Variants in LTBP2 observed in about 807,000 individuals in gnomAD.
LTBP2 encodes latent transforming growth factor beta binding protein 2.
In LTBP2, 103 loss-of-function variants were observed where a neutral mutation model predicts 210.6. The ratio of observed to expected loss-of-function variants is 0.49; its 90% CI spans 0.42 to 0.58. The LOEUF (loss-of-function observed/expected upper bound fraction) is 0.58, where lower values mean the gene tolerates loss of function less well. LTBP2 is among the 20% of genes least tolerant of loss of function. The probability of loss-of-function intolerance (pLI) is 0.00; values close to 1 mark genes in which losing one functional copy is unlikely to be tolerated. For synonymous variants in LTBP2, 1,007 were observed against 1,015.0 expected, an observed-to-expected ratio of 0.99 and a Z score of 0.15; for missense variants, 2,313 against 2,494.5, an observed-to-expected ratio of 0.93 and a Z score of 1.55.
At chr14:74,531,480 C>A (rs576182461) in intron 10 of LTBP2, among the ~76,000 whole-genome samples, 2 of 152,280 alleles carry the variant, frequency 1.3e-5, no homozygotes, top group East Asian at 1.9e-4. Context: ...TTCTTGAGAG[C>A]GGTCTGACAT....
At chr14:74,547,438 A>C (rs2087591731) in intron 8 of LTBP2, among the ~76,000 whole-genome samples, 1 of 152,174 alleles carries the variant, frequency 6.6e-6, no homozygotes, top group Admixed American at 6.5e-5. Flanking sequence ...GAATCCCAGC[A>C]GTGAAGCGGG....
At chr14:74,554,045 G>T (rs2087697349) in intron 4 of LTBP2, among the ~76,000 whole-genome samples, 2 of 151,644 alleles carry the variant, frequency 1.3e-5, no homozygotes, top group African/African-American at 4.9e-5. Context: ...TACAGAAGAG[G>T]GGGGACAAGT....
chr14:74,551,464 C>T (rs954465995), intron 6 of LTBP2, 114 bp from the exon 7 acceptor site: 6 of 1,017,590 alleles, frequency 5.9e-6, no homozygotes, highest in African/African-American at 1.6e-5. Flanking sequence ...TATGTGTCAC[C>T]CCAAAACTCT....
intron 10 of LTBP2, among the ~76,000 whole-genome samples, chr14:74,531,853 C>A (rs573467086): frequency 6.6e-6 from 1 of 152,356 alleles, no homozygotes; most frequent in South Asian, 2.1e-4. Flanking sequence ...CTGGAAACCA[C>A]AGAGGTCTCT....
At chr14:74,580,352 C>T (rs1317290800) in intron 3 of LTBP2, among the ~76,000 whole-genome samples, 1 of 152,224 alleles carries the variant, frequency 6.6e-6, no homozygotes, top group Non-Finnish European at 1.5e-5. Flanking sequence ...GTTTAGATGA[C>T]TTCACACTGG....
rs527778185 is a variant in LTBP2, at chr14:74,522,895, C to T, written c.2554G>A (p.Ala852Thr). ...TPGIDRCAAG[A>T]TNVCGPGTCV... ...GTTCCAGGGCCACAGACGTTGGTGGCTCCAGCAGCGCATCTGTCAATGCCT... is the reference window on the plus strand; with the variant it reads ...GTTCCAGGGCCACAGACGTTGGTGGTTCCAGCAGCGCATCTGTCAATGCCT... The change falls in exon 16 of 36, where the codon GCC becomes ACC. Residue 852 changes from alanine (A) to threonine (T), a missense_variant. Ala to Thr is a moderately conservative substitution (Grantham distance 58, BLOSUM62 0). Coordinates refer to ENST00000261978, the MANE Select transcript of LTBP2 (RefSeq NM_000428.3). The T allele has an allele frequency of 7.4e-6, 12 of 1,612,342 alleles. No individual in the cohort carries two copies. The African/African-American group carries it at 1.2e-4, about 16-fold the overall frequency.
At chr14:74,585,431 C>T (rs746756907) in intron 3 of LTBP2, among the ~76,000 whole-genome samples, 11 of 152,204 alleles carry the variant, frequency 7.2e-5, no homozygotes, top group South Asian at 2.1e-4. Flanking sequence ...TTAATCTTTA[C>T]GACAATTCAT....
intron 3 of LTBP2, among the ~76,000 whole-genome samples, chr14:74,557,180 G>A (rs901406233): frequency 6.6e-5 from 10 of 152,144 alleles, no homozygotes; most frequent in African/African-American, 2.4e-4. Flanking sequence ...AGAATCACTT[G>A]AACCTAGGAA....
At position 74,500,904 on chromosome 14, in the gene LTBP2, G is replaced by T. The variant is rs752079542; in HGVS notation, c.5446C>A (p.His1816Asn). 12 of 1,613,886 alleles carry T rather than the reference G, an allele frequency of 7.4e-6. No individual in the cohort carries two copies. In the South Asian group the frequency reaches 7.7e-5, roughly 10 times the overall value. The part of the protein sequence containing the change: ...PGYVAEAGPP[H>N]CTAKE ...GACTGCTACTCCTTGGCAGTGCAGT[G>T]GGGGGGCCCTGCCTCAGCCACATAT... is the stretch of plus-strand genomic sequence containing the variant. The change falls in exon 36 of 36, where the codon CAC becomes AAC. Residue 1816 changes from histidine (H) to asparagine (N), a missense_variant. Around this residue, in one of 3 missense-constraint regions of LTBP2, gnomAD observed 443 missense variants for 501.4 expected, o/e 0.88. Coordinates refer to ENST00000261978, the MANE Select transcript of LTBP2 (RefSeq NM_000428.3).
chr14:74,571,196 G>C (rs2087971916), intron 3 of LTBP2, among the ~76,000 whole-genome samples: 2 of 152,142 alleles, frequency 1.3e-5, no homozygotes, highest in African/African-American at 4.8e-5. Context: ...GCTGAGCATG[G>C]TGGTGGGCAC....
chr14:74,523,803 G>T (rs1420658612), intron 15 of LTBP2, among the ~76,000 whole-genome samples: 2 of 152,180 alleles, frequency 1.3e-5, no homozygotes, highest in Non-Finnish European at 2.9e-5. Context: ...AGGGGTCCCT[G>T]CCCCGCCCCC....
intron 3 of LTBP2, among the ~76,000 whole-genome samples, chr14:74,558,540 C>T (rs1193182778): frequency 4.6e-5 from 7 of 152,200 alleles, no homozygotes; most frequent in African/African-American, 1.7e-4. Flanking sequence ...GTGGCAGCGC[C>T]ACAGAGCATC....
intron 2 of LTBP2, among the ~76,000 whole-genome samples, chr14:74,590,975 T>C (rs927343374): frequency 2.0e-5 from 3 of 152,200 alleles, no homozygotes; most frequent in Non-Finnish European, 4.4e-5. Flanking sequence ...AAACCATTTG[T>C]ACTCCAAAAG....
At chr14:74,547,725 T>A (rs778886479) in intron 8 of LTBP2, among the ~76,000 whole-genome samples, 7 of 151,866 alleles carry the variant, frequency 4.6e-5, no homozygotes, top group Non-Finnish European at 5.9e-5. Flanking sequence ...CCAGGGCAGG[T>A]CAGCACCTTG....
In LTBP2 at chr14:74,499,017, G is replaced by C. The variant is rs1246967758; in HGVS notation, c.*1867C>G. The C allele has an allele frequency of 9.1e-6, 2 of 219,462 alleles. No homozygotes were observed. The highest frequency in any genetic ancestry group is 1.8e-5 in the Non-Finnish European group (2 of 109,436). 13.6% of individuals were successfully genotyped at this position (219,462 alleles called of 1,614,324 possible). On this transcript the variant is annotated 3_prime_UTR_variant, in exon 36 of 36. Coordinates refer to ENST00000261978, the MANE Select transcript of LTBP2 (RefSeq NM_000428.3). ...TCTGAAGGTTAAGTTCCTAGAAGTGGAAACTACTGGATCAAAGAGTTAGTG... is the reference window on the plus strand; with the variant it reads ...TCTGAAGGTTAAGTTCCTAGAAGTGCAAACTACTGGATCAAAGAGTTAGTG...
At chr14:74,547,294 G>A (rs1374235931) in intron 8 of LTBP2, among the ~76,000 whole-genome samples, 4 of 152,160 alleles carry the variant, frequency 2.6e-5, no homozygotes, top group South Asian at 2.1e-4. Flanking sequence ...GGCCCTGATC[G>A]CTGACACCCC....
intron 1 of LTBP2, among the ~76,000 whole-genome samples, chr14:74,606,857 C>CAA (rs981249566): frequency 7.0e-5 from 10 of 143,384 alleles, no homozygotes; most frequent in Non-Finnish European, 1.4e-4. Flanking sequence ...ACAAAACAAA[C>CAA]AAAAAAAAAA....
rs1555350201 is a variant in LTBP2 at position 74,540,848 on chromosome 14, T to TA, written c.1790-4849_1790-4848insT. ...TTTATATAATATATATTTATATATA[T>TA]TATATATATTATATATATTTATATA... On this transcript the variant is annotated intron_variant, in intron 8 of 35. Transcript: ENST00000261978. 4.2e-3 allele frequency among the ~76,000 whole-genome samples: 290 copies of TA among 68,840 alleles called. 11 individuals are homozygous for TA. The highest frequency in any genetic ancestry group is 0.013 in the African/African-American group (248 of 19,342). The allele number at this position is 68,840 out of a possible 152,430, so 45.2% of individuals were successfully genotyped here.
intron 7 of LTBP2, 43 bp from the exon 8 acceptor site, chr14:74,550,008 C>T: frequency 7.8e-7 from 1 of 1,287,008 alleles, no homozygotes; most frequent in Non-Finnish European, 1.1e-6. Flanking sequence ...CCCCCCTTCC[C>T]TCCCAGGCTG....
Sources: gnomAD v4.1 joint callset for allele counts (sites outside exome capture counted in the v4.1 genomes callset) on GRCh38, gnomAD v4.1.1 for gene constraint, gnomAD v4.1.1 regional missense constraint, MANE v1.5 for transcripts, NCBI Gene and HGNC (gene_info 2026-07-23, HGNC 2026-07-21) for gene names.